The following POLR1C variants were observed in gnomAD, a reference collection of about 807,000 sequenced individuals.
The protein encoded by POLR1C is RNA polymerase I and III subunit C, also known as DNA-directed RNA polymerases I and III subunit RPAC1.
Under a neutral mutation model 38.3 loss-of-function variants are expected in POLR1C, and 42 were observed. That is an observed-to-expected ratio of 1.10 (90% CI 0.86 to 1.42). POLR1C has a LOEUF of 1.42. Among genes scored for constraint, POLR1C ranks in the 40% most tolerant of loss-of-function variants. POLR1C has a pLI of 0.00. For missense variants in POLR1C, 507 were observed against 450.5 expected (o/e 1.13, Z -1.14); for synonymous variants, 163 against 163.9 (o/e 0.99, Z 0.04).
At chr6:43,553,764 C>A in intron 10 of POLR1C, 4 of 469,248 alleles carry the variant, frequency 8.5e-6, no homozygotes, top group Non-Finnish European at 9.5e-6. Flanking sequence ...CCTCTATGAG[C>A]CTTGTAGTAA....
At chr6:43,553,751 T>C (rs1319559499) in intron 10 of POLR1C, 2 of 626,116 alleles carry the variant, frequency 3.2e-6, no homozygotes, top group Admixed American at 4.1e-5. Context: ...CGGTCTGAAT[T>C]CACCTCTATG....
chr6:43,548,376 T>A (rs756502416), intron 9 of POLR1C: 1 of 1,613,584 alleles, frequency 6.2e-7, no homozygotes, highest in Admixed American at 1.7e-5. Context: ...AGGGCTTCCA[T>A]GAGGGCACAC....
downstream of POLR1C, chr6:43,524,431 A>T: frequency 6.3e-7 from 1 of 1,595,532 alleles, no homozygotes; most frequent in Middle Eastern, 2.1e-4. Context: ...ACATGATTTA[A>T]GAAGGGGGTT....
chr6:43,520,941 T>G lies in POLR1C; in HGVS notation c.815T>G (p.Val272Gly). The G allele has an allele frequency of 6.2e-7, 1 of 1,614,026 alleles. No individual in the cohort carries two copies. Among genetic ancestry groups the G allele is most frequent in the Middle Eastern group, 1.6e-4 (1 of 6,062 alleles). ...IEVQEVQGKK[V>G]ARVANPRLDT... ...GGTTTGTTCTCATTAGGTAAAAAGG[T>G]GGCCAGAGTTGCCAACCCCCGGCTG... The change falls in exon 8 of 9, where the codon GTG becomes GGG. Residue 272 changes from valine to glycine, a missense_variant. Coordinates refer to ENST00000642195, the MANE Select transcript of POLR1C (RefSeq NM_203290.4).
At chr6:43,519,871 A>C in intron 4 of POLR1C, 33 bp downstream of exon 4, 3 of 1,604,496 alleles carry the variant, frequency 1.9e-6, no homozygotes, top group South Asian at 2.2e-5. Flanking sequence ...GAAGTGGACT[A>C]TCTGGGTTCA....
At chr6:43,525,886 C>T (rs1793553589), downstream of POLR1C, 1 of 1,613,938 alleles carries the variant, frequency 6.2e-7, no homozygotes, top group Non-Finnish European at 8.5e-7. Context: ...TCTGCCATAG[C>T]TGAGGGGGTG....
chr6:43,528,965 C>T (rs1561864767), intron 8 of POLR1C: 8 of 1,567,190 alleles, frequency 5.1e-6, no homozygotes, highest in Non-Finnish European at 6.9e-6. Context: ...CATAGGCACA[C>T]ATCTCTCACC....
downstream of POLR1C, chr6:43,525,140 T>C: frequency 6.3e-7 from 1 of 1,581,528 alleles, no homozygotes; most frequent in Non-Finnish European, 8.6e-7. Flanking sequence ...GCTGTGAGGT[T>C]GTCCTCTGGC....
At chr6:43,543,320 G>A (rs1794793944) in intron 9 of POLR1C, among the ~76,000 whole-genome samples, 1 of 152,118 alleles carries the variant, frequency 6.6e-6, no homozygotes, top group Non-Finnish European at 1.5e-5. Flanking sequence ...GGGCATGGCT[G>A]CTCATGGCTG....
chr6:43,560,048 G>T, intron 10 of POLR1C: 1 of 1,173,068 alleles, frequency 8.5e-7, no homozygotes, highest in Non-Finnish European at 1.2e-6. Context: ...CCAACTCCTG[G>T]GCTCAAGCGA....
intron 10 of POLR1C, among the ~76,000 whole-genome samples, chr6:43,554,534 C>T (rs1014295618): frequency 1.3e-5 from 2 of 151,738 alleles, no homozygotes; most frequent in South Asian, 2.1e-4. Flanking sequence ...AAGTGATTCT[C>T]CTGCCTCAGC....
chr6:43,545,180 T>C (rs541573586), intron 9 of POLR1C, among the ~76,000 whole-genome samples: 12 of 152,090 alleles, frequency 7.9e-5, no homozygotes, highest in African/African-American at 2.9e-4. Flanking sequence ...GCCAAAATAT[T>C]GTCTATTTCC....
rs1795036888 is a variant in POLR1C, at chr6:43,547,844, T to C, written c.*5-3124T>C. 2.3e-5 allele frequency: 15 copies of C among 638,472 alleles called. No individual in the cohort carries two copies. The South Asian group carries it at 3.1e-4, about 13-fold the overall frequency. The allele number at this position is 638,472 out of a possible 1,614,324, so 39.6% of individuals were successfully genotyped here. A position where few individuals can be genotyped will look rare whatever the true frequency, so the allele number is the denominator to read the frequency against. On this transcript the variant is annotated intron_variant, in intron 9 of 10. Transcript: ENST00000607635. ...GTGAGAGGAGTATAATCATACTAAT[T>C]GTCAGTTGTCATTTGAAGGTTTAAA...
At chr6:43,554,591 A>ATTTTTTG (rs1761941606) in intron 10 of POLR1C, among the ~76,000 whole-genome samples, 1 of 150,836 alleles carries the variant, frequency 6.6e-6, no homozygotes, top group South Asian at 2.1e-4. Context: ...CGCCTGGCTA[A>ATTTTTTG]TTTTTTGTTT....
intron 9 of POLR1C, among the ~76,000 whole-genome samples, chr6:43,545,784 TA>T (rs1268778435): frequency 6.6e-6 from 1 of 151,914 alleles, no homozygotes; most frequent in Non-Finnish European, 1.5e-5. Flanking sequence ...CTGAATTATA[TA>T]AAAAAACCTA....
chr6:43,524,197 CA>C (rs1408117004), downstream of POLR1C, among the ~76,000 whole-genome samples: 8 of 151,990 alleles, frequency 5.3e-5, no homozygotes, highest in South Asian at 1.7e-3. Flanking sequence ...ACTAAAAATA[CA>C]AAAAGTAGCC....
At chr6:43,541,633 T>TCTCTA (rs111644538) in intron 9 of POLR1C, among the ~76,000 whole-genome samples, 28,361 of 151,932 alleles carry the variant, frequency 0.19, 5,628 homozygotes, top group African/African-American at 0.51. Context: ...GTACTTTCTG[T>TCTCTA]CTCTAGATAT....
Position 43,549,907 on chromosome 6 carries a change from C to T in POLR1C, c.*5-1061C>T, listed in dbSNP as rs1348897077. On this transcript the variant is annotated intron_variant, in intron 9 of 10. Coordinates refer to the POLR1C transcript ENST00000607635. The stretch of plus-strand genomic sequence containing the variant: ...AATGGTCTTACCTTACTTTCTTCAA[C>T]AGTTTCAAAAGTGACAGATGAAAAT... 3.7e-6 allele frequency: 6 copies of T among 1,611,588 alleles called. No individual in the cohort carries two copies. In the Admixed American group the frequency reaches 1.0e-4, roughly 27 times the overall value.
intron 9 of POLR1C, among the ~76,000 whole-genome samples, chr6:43,538,316 CT>C (rs1272817064): frequency 3.3e-5 from 5 of 151,434 alleles, no homozygotes; most frequent in Non-Finnish European, 5.9e-5. Flanking sequence ...CACCTGGTTA[CT>C]TTTTTAAATT....
Sources: allele counts gnomAD v4.1 joint callset (sites outside exome capture counted in the v4.1 genomes callset), GRCh38; gene constraint gnomAD v4.1.1; transcripts MANE v1.5; gene names NCBI Gene and HGNC (gene_info 2026-07-23, HGNC 2026-07-21).